The following ZAN variants were observed in gnomAD, a reference collection of about 807,000 sequenced individuals.
ZAN encodes zonadhesin (gene/pseudogene).
A neutral mutation model predicts 286.2 loss-of-function variants in ZAN; 260 were observed. The observed-to-expected ratio is 0.91, with a 90% confidence interval of 0.82 to 1.01. ZAN has a LOEUF of 1.01. Ranked by LOEUF, ZAN falls within the 50% of genes least tolerant of loss-of-function variation. ZAN has a pLI of 0.00. For synonymous variants in ZAN, 1,368 were observed against 1,417.5 expected, an observed-to-expected ratio of 0.97 and a Z score of 0.79; for missense variants, 3,410 against 3,639.2, an observed-to-expected ratio of 0.94 and a Z score of 1.62.
intron 35 of ZAN, among the ~76,000 whole-genome samples, chr7:100,782,152 T>C (rs1424903740): frequency 6.6e-6 from 1 of 151,956 alleles, no homozygotes; most frequent in Non-Finnish European, 1.5e-5. Context: ...TGCTCTGAGT[T>C]ACACAAAGTT....
At chr7:100,788,525 C>T (rs1811728130) in intron 38 of ZAN, among the ~76,000 whole-genome samples, 1 of 152,108 alleles carries the variant, frequency 6.6e-6, no homozygotes, top group South Asian at 2.1e-4. Flanking sequence ...GCACTTTAGC[C>T]TGGGTGACAG....
intron 15 of ZAN, among the ~76,000 whole-genome samples, chr7:100,755,732 C>CA (rs1809101500): frequency 6.6e-6 from 1 of 151,886 alleles, no homozygotes; most frequent in Non-Finnish European, 1.5e-5. Flanking sequence ...CCACCATGCC[C>CA]AGCTAATTTT....
chr7:100,775,917 A>G lies in ZAN; in HGVS notation c.6192+84A>G, dbSNP rs890716429. The G allele has an allele frequency of 2.0e-6, 3 of 1,538,378 alleles. No homozygotes were observed. The African/African-American group carries it at 4.1e-5, about 21-fold the overall frequency. ...GGCAGGGATGGGGGGCAGTGTTCGC[A>G]TCGTGCCTGCCCAAAGAGGCCACTC... On this transcript the variant is annotated intron_variant, in intron 33 of 47. Transcript: ENST00000613979.
chr7:100,769,720 A>G (rs1421160200), intron 27 of ZAN, among the ~76,000 whole-genome samples, 160 bp from the exon 28 acceptor site: 1 of 151,384 alleles, frequency 6.6e-6, no homozygotes, highest in Non-Finnish European at 1.5e-5. Flanking sequence ...AATTTTTAAA[A>G]ATTTTGTGTA....
rs760262455 is a variant in ZAN at position 100,792,127 on chromosome 7, T to A, written c.7691T>A (p.Val2564Glu). 1 of 1,610,936 alleles carries A rather than the reference T, an allele frequency of 6.2e-7. No individual in the cohort carries two copies. Among genetic ancestry groups the A allele is most frequent in the Non-Finnish European group, 8.5e-7 (1 of 1,178,924 alleles). Residue 2564 changes from valine to glutamate, a missense_variant, in exon 41 of 48, where the codon GTG becomes GAG. This residue lies in a region of ZAN where 1,289 missense variants were observed against 1,314.3 expected (regional missense o/e 0.98). Coordinates refer to ENST00000613979, the MANE Select transcript of ZAN (RefSeq NM_003386.3). ...CCCTTTGCTGCCTGTCACCAGACGG[T>A]GGCCCCAGAGCCCTTCCAAGAGTGA... ...QGPFAACHQT[V>E]APEPFQEHCV...
intron 2 of ZAN, 82 bp from the exon 3 acceptor site, chr7:100,735,638 C>A: frequency 1.8e-6 from 2 of 1,104,264 alleles, no homozygotes; most frequent in Non-Finnish European, 2.6e-6. Flanking sequence ...CGTGACCACT[C>A]AGAAAGCTCA....
rs1810515896 is a variant in ZAN, at chr7:100,773,323, A to G, written c.5464A>G (p.Ser1822Gly). ...CPPGSSYSPC[S>G]SPCPDTCSSI... ...ACCTGGCAGCAGCTACAGCCCCTGC[A>G]GCAGCCCCTGCCCAGACACCTGCAG... The change falls in exon 30 of 48, where the codon AGC (serine) becomes GGC (glycine). Residue 1822 changes from serine to glycine, a missense_variant. Physicochemically the swap from Ser to Gly is moderately conservative, Grantham distance 56. Transcript: ENST00000613979. The G allele has an allele frequency of 6.2e-7, 1 of 1,613,904 alleles. No individual in the cohort carries two copies. Among genetic ancestry groups the G allele is most frequent in the Non-Finnish European group, 8.5e-7 (1 of 1,179,906 alleles).
rs1376143847 is a variant in ZAN, at chr7:100,761,938, G to GA, written c.3843-270dup. On this transcript the variant is annotated intron_variant, in intron 19 of 47. Coordinates refer to ENST00000613979, the MANE Select transcript of ZAN (RefSeq NM_003386.3). ...TAGGTGACGGAGAGAGACTCCATCT[G>GA]AAAAAAAGGATAAATAAATAAATAA... Among the ~76,000 whole-genome samples, 14 of 148,560 alleles carry GA rather than the reference G, an allele frequency of 9.4e-5. No homozygotes were observed. The East Asian group carries it at 1.8e-3, about 19-fold the overall frequency.
intron 45 of ZAN, among the ~76,000 whole-genome samples, chr7:100,795,713 T>A (rs774211912): frequency 6.6e-6 from 1 of 151,766 alleles, no homozygotes; most frequent in South Asian, 2.1e-4. Context: ...GAGACCATTC[T>A]GGCTAACGAA....
At chr7:100,794,088 G>T (rs774513811) in intron 43 of ZAN, 32 bp from the exon 44 acceptor site, 2 of 1,613,836 alleles carry the variant, frequency 1.2e-6, no homozygotes, top group Non-Finnish European at 1.7e-6. Context: ...GATGGAACTG[G>T]AACGTCTCCT....
intron 14 of ZAN, 149 bp downstream of exon 14, chr7:100,753,378 C>T (rs962603828): frequency 1.5e-5 from 15 of 990,672 alleles, no homozygotes; most frequent in Admixed American, 3.3e-5. Flanking sequence ...TAGTCCATGG[C>T]GACTTCAGAG....
chr7:100,750,644 T>C lies in ZAN; in HGVS notation c.1269T>C (p.Leu423=). ...FPNAGGHYIY[L]EADEFSQAGQ... Reference sequence around the variant, plus strand: ...GCCTAGGGGGTCACTATATCTACCTTGAGGCTGACGAGTTCTCCCAGGCAG... The same window carrying C: ...GCCTAGGGGGTCACTATATCTACCTCGAGGCTGACGAGTTCTCCCAGGCAG... Residue 423 remains leucine, a synonymous_variant, in exon 12 of 48, where the codon CTT becomes CTC. Transcript: ENST00000613979. 1 of 1,613,366 alleles carries C rather than the reference T, an allele frequency of 6.2e-7. No individual in the cohort carries two copies. Among genetic ancestry groups the C allele is most frequent in the Non-Finnish European group, 8.5e-7 (1 of 1,179,684 alleles).
rs1313904488 is a variant in ZAN at position 100,770,482 on chromosome 7, C to A, written c.5248+508C>A. The stretch of plus-strand genomic sequence containing the variant: ...TTTCGCCACTGCACTCCAGCCTGGG[C>A]GACAGAGTGAGACTCTGTCTCAAAA... On this transcript the variant is annotated intron_variant, in intron 28 of 47. Transcript: ENST00000613979. 9.8e-5 allele frequency among the ~76,000 whole-genome samples: 12 copies of A among 122,578 alleles called. No homozygotes were observed. The South Asian group carries it at 1.9e-3, about 19-fold the overall frequency. The allele number at this position is 122,578 out of a possible 152,430, so 80.4% of individuals were successfully genotyped here. A position where few individuals can be genotyped will look rare whatever the true frequency, so the allele number is the denominator to read the frequency against.
chr7:100,770,503 CA>C (rs71126334), intron 28 of ZAN, among the ~76,000 whole-genome samples: 24 of 93,648 alleles, frequency 2.6e-4, no homozygotes, highest in African/African-American at 2.6e-4. Flanking sequence ...GACTCTGTCT[CA>C]AAAAAAAAAA....
intron 34 of ZAN, among the ~76,000 whole-genome samples, 171 bp from the exon 35 acceptor site, chr7:100,779,275 A>G (rs191544484): frequency 6.0e-5 from 9 of 150,752 alleles, no homozygotes; most frequent in African/African-American, 1.7e-4. Context: ...AGGCTGAGTG[A>G]GACAGGAGAA....
Position 100,793,933 on chromosome 7 carries a change from G to A in ZAN, c.7901G>A (p.Arg2634His), listed in dbSNP as rs369341019. 31 of 1,613,758 alleles carry A rather than the reference G, an allele frequency of 1.9e-5. No homozygotes were observed. The highest frequency in any genetic ancestry group is 9.3e-5 in the African/African-American group (7 of 74,932). Reference sequence around the variant, plus strand: ...CGAGGGCCCCTGCGTGGAAGGCTGCGCCAGCATCCCAGGCTATGCCTACAG... The same window carrying A: ...CGAGGGCCCCTGCGTGGAAGGCTGCACCAGCATCCCAGGCTATGCCTACAG... ...GLRGPLRGRL[R>H]QHPRLCLQWH... is the part of the protein sequence containing the mutation. The change falls in exon 43 of 48, where the codon CGC (arginine) becomes CAC (histidine). Residue 2634 changes from arginine to histidine, a missense_variant. By Grantham distance (29) the Arg-to-His change is conservative. Coordinates refer to ENST00000613979, the MANE Select transcript of ZAN (RefSeq NM_003386.3).
rs764076774 is a variant in ZAN at position 100,797,351 on chromosome 7, C to G, written c.8267-15C>G. 8 of 1,613,008 alleles carry G rather than the reference C, an allele frequency of 5.0e-6. No homozygotes were observed. Among genetic ancestry groups the G allele is most frequent in the Non-Finnish European group, 6.8e-6 (8 of 1,179,184 alleles). ...TCTCACGTTCGACCTAATGTCTCTT[C>G]CCCGCACCCAGAAGCATCTAACCTG... On this transcript the variant is annotated splice_polypyrimidine_tract_variant and intron_variant, in intron 45 of 47. Transcript: ENST00000613979.
intron 11 of ZAN, among the ~76,000 whole-genome samples, chr7:100,750,198 G>A (rs879856077): frequency 4.6e-5 from 7 of 150,858 alleles, no homozygotes; most frequent in Non-Finnish European, 8.9e-5. Flanking sequence ...GTGCAGTGAC[G>A]TGATCTTGGC....
rs766088040 is a variant in ZAN, at chr7:100,797,454, G to A, written c.8355G>A (p.Thr2785=). The A allele has an allele frequency of 5.7e-5, 92 of 1,613,970 alleles. 1 individual carries two copies. In the Middle Eastern group the frequency reaches 3.1e-3, roughly 55 times the overall value. ...LAVTRECIYR[T]RRKREKTQEG... ...TGACCAGAGAGTGCATTTACAGAAC[G>A]AGGAGGAAGAGGTGAGTCCTGGGAA... The change falls in exon 46 of 48, where the codon ACG becomes ACA. Residue 2785 remains threonine, a synonymous_variant. Coordinates refer to ENST00000613979, the MANE Select transcript of ZAN (RefSeq NM_003386.3).
Sources: gnomAD v4.1 joint callset for allele counts (sites outside exome capture counted in the v4.1 genomes callset) on GRCh38, gnomAD v4.1.1 for gene constraint, gnomAD v4.1.1 regional missense constraint, MANE v1.5 for transcripts, NCBI Gene and HGNC (gene_info 2026-07-23, HGNC 2026-07-21) for gene names.